The following MORN2 variants were observed in gnomAD, a reference collection of about 807,000 sequenced individuals.
MORN2 encodes MORN repeat containing 2, also known as MORN repeat-containing protein 2.
A neutral mutation model predicts 13.4 loss-of-function variants in MORN2; 15 were observed. The ratio of observed to expected loss-of-function variants is 1.12; its 90% CI spans 0.75 to 1.72. The LOEUF (loss-of-function observed/expected upper bound fraction) is 1.72, where lower values mean the gene tolerates loss of function less well. Ranked by LOEUF, MORN2 falls within the 40% of genes most tolerant of loss-of-function variation. The pLI is 0.00. For missense variants in MORN2, 168 were observed against 134.6 expected, an observed-to-expected ratio of 1.25 and a Z score of -1.23; for synonymous variants, 46 against 43.6, an observed-to-expected ratio of 1.06 and a Z score of -0.22.
chr2:38,877,904 C>T (rs1194806887), intron 1 of MORN2, among the ~76,000 whole-genome samples: 2 of 151,982 alleles, frequency 1.3e-5, no homozygotes, highest in Non-Finnish European at 2.9e-5. Flanking sequence ...TCAAGCGATC[C>T]TCCCACCTCA....
In MORN2 at chr2:38,881,522, G is replaced by A; in HGVS notation, c.297G>A (p.Leu99=). 1.3e-6 allele frequency: 2 copies of A among 1,542,838 alleles called. No individual in the cohort carries two copies. The highest frequency in any genetic ancestry group is 8.7e-7 in the Non-Finnish European group (1 of 1,143,688). Residue 99 remains leucine, a synonymous_variant, in exon 4 of 5, where the codon CTG becomes CTA. Coordinates refer to ENST00000644631, the MANE Select transcript of MORN2 (RefSeq NM_001145450.3). ...TTAAGGATAATATGTTTCATGGACT[G>A]GGGACTTACACATTCCCAAATGGGG...
In MORN2 at chr2:38,875,990, C is replaced by A; in HGVS notation, c.-63C>A. 2 of 398,686 alleles carry A rather than the reference C, an allele frequency of 5.0e-6. No individual in the cohort carries two copies. Among genetic ancestry groups the A allele is most frequent in the South Asian group, 1.3e-4 (1 of 7,808 alleles). The allele number at this position is 398,686 out of a possible 1,614,324, so 24.7% of individuals were successfully genotyped here. On this transcript the variant is annotated 5_prime_UTR_variant, in exon 1 of 5. Coordinates refer to ENST00000644631, the MANE Select transcript of MORN2 (RefSeq NM_001145450.3). The stretch of plus-strand genomic sequence containing the variant: ...CGCTTCCGGGTGAGAGGTGCCCGGT[C>A]GCCCCAGCAACCAAGTCGCACCTGG...
At position 38,882,672 on chromosome 2, in the gene MORN2, T is replaced by A. The variant is rs2124969168; in HGVS notation, c.*157T>A. 1 of 472,526 alleles carries A rather than the reference T, an allele frequency of 2.1e-6. No individual in the cohort carries two copies. Among genetic ancestry groups the A allele is most frequent in the East Asian group, 3.2e-5 (1 of 31,140 alleles). 29.3% of individuals were successfully genotyped at this position (472,526 alleles called of 1,614,324 possible). A position where few individuals can be genotyped will look rare whatever the true frequency, so the allele number is the denominator to read the frequency against. On this transcript the variant is annotated 3_prime_UTR_variant, in exon 5 of 5. Transcript: ENST00000644631. ...ACACCTTTTTGAACTTTATATTCATTGTCTTACAATTAGTTTAAAATAAAT... is the reference window on the plus strand; with the variant it reads ...ACACCTTTTTGAACTTTATATTCATAGTCTTACAATTAGTTTAAAATAAAT...
chr2:38,880,118 A>T (rs1429807691), intron 1 of MORN2, 61 bp from the exon 2 acceptor site: 1 of 396,264 alleles, frequency 2.5e-6, no homozygotes, highest in Non-Finnish European at 4.5e-6. Context: ...ATGTAGTGAA[A>T]CCTTGCCTCT....
chr2:38,878,005 A>G (rs929269118), intron 1 of MORN2, among the ~76,000 whole-genome samples: 8 of 152,116 alleles, frequency 5.3e-5, no homozygotes, highest in African/African-American at 1.9e-4. Context: ...CATGTTGCCC[A>G]GGCTGGTCTC....
In MORN2 at chr2:38,881,686, T is replaced by C. The variant is rs548536616; in HGVS notation, c.353+108T>C. 106 of 921,468 alleles carry C rather than the reference T, an allele frequency of 1.2e-4. No individual in the cohort carries two copies. In the African/African-American group the frequency reaches 1.7e-3, roughly 15 times the overall value. 57.1% of individuals were successfully genotyped at this position (921,468 alleles called of 1,614,324 possible). On this transcript the variant is annotated intron_variant, in intron 4 of 4. Transcript: ENST00000644631. Reference sequence around the variant, plus strand: ...TATTTATTGAGACAGAGTCTCCCTCTGTCATCCAGGCAGGAGTGCAGTGGA... The same window carrying C: ...TATTTATTGAGACAGAGTCTCCCTCCGTCATCCAGGCAGGAGTGCAGTGGA...
chr2:38,882,476 T>C lies in MORN2; in HGVS notation c.417T>C (p.Phe139=). 1 of 1,551,002 alleles carries C rather than the reference T, an allele frequency of 6.4e-7. No individual in the cohort carries two copies. The highest frequency in any genetic ancestry group is 8.7e-7 in the Non-Finnish European group (1 of 1,146,558). ...TAGAATGGAGTGGTAACTTTCATTT[T>C]ACAGCTGCTCCAGACCTGAAATTAA... Residue 139 remains phenylalanine, a synonymous_variant, in exon 5 of 5, where the codon TTT becomes TTC. Transcript: ENST00000644631.
chr2:38,880,351 C>T (rs1665747133), intron 2 of MORN2, 122 bp downstream of exon 2: 3 of 398,484 alleles, frequency 7.5e-6, no homozygotes, highest in East Asian at 3.6e-5. Context: ...ACTAAAATAA[C>T]AGAAATCCTA....
intron 1 of MORN2, among the ~76,000 whole-genome samples, chr2:38,878,320 A>T (rs867349681): frequency 1.1e-3 from 166 of 152,198 alleles, no homozygotes; most frequent in African/African-American, 3.9e-3. Context: ...ATGTCATGAA[A>T]TTGTACTGTA....
At chr2:38,882,197 GT>G (rs1382177368) in intron 4 of MORN2, among the ~76,000 whole-genome samples, 1 of 111,858 alleles carries the variant, frequency 8.9e-6, no homozygotes, top group Non-Finnish European at 1.9e-5. Flanking sequence ...ATAATTGTTT[GT>G]TTTTGTTTGG....
intron 1 of MORN2, among the ~76,000 whole-genome samples, chr2:38,876,809 A>G (rs755018588): frequency 3.3e-5 from 5 of 152,208 alleles, no homozygotes; most frequent in Non-Finnish European, 5.9e-5. Context: ...CAGAGTTTAG[A>G]CACTGGGCTA....
chr2:38,882,666 A>G lies in MORN2; in HGVS notation c.*151A>G. 8.2e-6 allele frequency: 4 copies of G among 487,796 alleles called. No individual in the cohort carries two copies. Among genetic ancestry groups the G allele is most frequent in the East Asian group, 3.1e-5 (1 of 31,888 alleles). The allele number at this position is 487,796 out of a possible 1,614,324, so 30.2% of individuals were successfully genotyped here. A position where few individuals can be genotyped will look rare whatever the true frequency, so the allele number is the denominator to read the frequency against. On this transcript the variant is annotated 3_prime_UTR_variant, in exon 5 of 5. Coordinates refer to ENST00000644631, the MANE Select transcript of MORN2 (RefSeq NM_001145450.3). ...CTGCTTACACCTTTTTGAACTTTAT[A>G]TTCATTGTCTTACAATTAGTTTAAA...
chr2:38,881,167 A>G (rs1572729439), intron 3 of MORN2, among the ~76,000 whole-genome samples: 1 of 152,202 alleles, frequency 6.6e-6, no homozygotes, highest in South Asian at 2.1e-4. Context: ...TTTCTGATAC[A>G]TTCAGGGTAT....
Position 38,881,477 on chromosome 2 carries a change from A to G in MORN2, c.252A>G (p.Gly84=). ...TTGGAAGACTTGAGCATTTTTCAGG[A>G]GCAGTATATGAAGGACAATTTAAGG... The change falls in exon 4 of 5, where the codon GGA becomes GGG. Residue 84 remains glycine, a synonymous_variant. Coordinates refer to ENST00000644631, the MANE Select transcript of MORN2 (RefSeq NM_001145450.3). The G allele has an allele frequency of 6.5e-7, 1 of 1,539,750 alleles. No individual in the cohort carries two copies. The highest frequency in any genetic ancestry group is 8.7e-7 in the Non-Finnish European group (1 of 1,143,360).
chr2:38,876,266 G>C (rs1467654506), intron 1 of MORN2, 156 bp downstream of exon 1: 1 of 395,926 alleles, frequency 2.5e-6, no homozygotes, highest in East Asian at 3.6e-5. Context: ...CCCCTGGTCT[G>C]GGAATCTAGC....
Position 38,880,690 on chromosome 2 carries a change from G to T in MORN2, c.200G>T (p.Ser67Ile), listed in dbSNP as rs746502854. The change falls in exon 3 of 5, where the codon AGC (serine) becomes ATC (isoleucine). Residue 67 changes from serine (S) to isoleucine (I), a missense_variant. Physicochemically the swap from Ser to Ile is moderately radical, Grantham distance 142 (BLOSUM62 -2). Coordinates refer to ENST00000644631, the MANE Select transcript of MORN2 (RefSeq NM_001145450.3). ...CCTAATGGGATTGTCTACACAGGAA[G>T]CTGGAAAGATGACAAGGTATTATTG... 4 of 1,550,134 alleles carry T rather than the reference G, an allele frequency of 2.6e-6. No individual in the cohort carries two copies. The highest frequency in any genetic ancestry group is 2.4e-5 in the East Asian group (1 of 40,868).
At chr2:38,881,702 G>T in intron 4 of MORN2, 124 bp downstream of exon 4, 3 of 759,356 alleles carry the variant, frequency 4.0e-6, no homozygotes, top group Non-Finnish European at 5.8e-6. Context: ...CCAGGCAGGA[G>T]TGCAGTGGAG....
Position 38,880,683 on chromosome 2 carries a change from A to C in MORN2, c.193A>C (p.Thr65Pro), listed in dbSNP as rs932592318. The change falls in exon 3 of 5, where the codon ACA (threonine) becomes CCA (proline). Residue 65 changes from threonine (T) to proline (P), a missense_variant. Coordinates refer to ENST00000644631, the MANE Select transcript of MORN2 (RefSeq NM_001145450.3). ...TACCACTCCTAATGGGATTGTCTAC[A>C]CAGGAAGCTGGAAAGATGACAAGGT... 2.3e-5 allele frequency: 36 copies of C among 1,550,122 alleles called. No individual in the cohort carries two copies. Among genetic ancestry groups the C allele is most frequent in the Middle Eastern group, 1.7e-4 (1 of 6,014 alleles).
intron 1 of MORN2, among the ~76,000 whole-genome samples, chr2:38,879,395 G>A (rs917945371): frequency 6.6e-6 from 1 of 152,040 alleles, no homozygotes; most frequent in African/African-American, 2.4e-5. Flanking sequence ...TCCATGAACT[G>A]ATGAATGAAT....
Sources: allele counts gnomAD v4.1 joint callset (sites outside exome capture counted in the v4.1 genomes callset), GRCh38; gene constraint gnomAD v4.1.1; transcripts MANE v1.5; gene names NCBI Gene and HGNC (gene_info 2026-07-23, HGNC 2026-07-21).